PIK3C2G: variants seen among roughly 807,000 people sequenced by gnomAD.
The protein encoded by PIK3C2G is phosphatidylinositol-4-phosphate 3-kinase catalytic subunit type 2 gamma.
PIK3C2G carries 168 observed loss-of-function variants against 181.1 expected under a neutral mutation model. The ratio of observed to expected loss-of-function variants is 0.93; its 90% confidence interval spans 0.82 to 1.05. PIK3C2G has a LOEUF of 1.05. Ranked by LOEUF, PIK3C2G falls within the 50% of genes least tolerant of loss-of-function variation. PIK3C2G has a pLI of 0.00. For missense variants in PIK3C2G, 1,869 were observed against 1,732.8 expected, an observed-to-expected ratio of 1.08 and a Z score of -1.40; for synonymous variants, 573 against 592.2, an observed-to-expected ratio of 0.97 and a Z score of 0.47.
chr12:18,278,411 C>T (rs1949074605), intron 1 of PIK3C2G, among the ~76,000 whole-genome samples: 1 of 152,100 alleles, frequency 6.6e-6, no homozygotes, highest in Non-Finnish European at 1.5e-5. Context: ...TTTGAAGGAT[C>T]CTTGTGATTA....
chr12:18,455,368 G>T (rs2135909892), intron 18 of PIK3C2G, among the ~76,000 whole-genome samples: 1 of 152,160 alleles, frequency 6.6e-6, no homozygotes, highest in Middle Eastern at 3.4e-3. Context: ...GTGGCGGTTG[G>T]TGGAGAAGAG....
At chr12:18,561,511 G>A (rs1945343756) in intron 26 of PIK3C2G, among the ~76,000 whole-genome samples, 1 of 152,084 alleles carries the variant, frequency 6.6e-6, no homozygotes, top group East Asian at 1.9e-4. Flanking sequence ...GGGCTAGGAA[G>A]CACAAATTAA....
intron 24 of PIK3C2G, among the ~76,000 whole-genome samples, chr12:18,518,601 T>A (rs752836529): frequency 5.3e-5 from 8 of 152,196 alleles, no homozygotes; most frequent in Non-Finnish European, 8.8e-5. Flanking sequence ...CACTTTTTAT[T>A]GTGTCTATTT....
intron 16 of PIK3C2G, among the ~76,000 whole-genome samples, chr12:18,412,049 C>T (rs1031452453): frequency 2.0e-5 from 3 of 152,010 alleles, no homozygotes; most frequent in Non-Finnish European, 4.4e-5. Context: ...ATGACTCCAC[C>T]GGCCCTATTG....
intron 1 of PIK3C2G, among the ~76,000 whole-genome samples, chr12:18,249,242 A>G (rs1025555849): frequency 6.6e-6 from 1 of 152,180 alleles, no homozygotes; most frequent in Non-Finnish European, 1.5e-5. Flanking sequence ...GGATAGCATT[A>G]TGTTTTTGAC....
intron 24 of PIK3C2G, among the ~76,000 whole-genome samples, chr12:18,534,006 G>A (rs1943705727): frequency 7.3e-6 from 1 of 137,150 alleles, no homozygotes; most frequent in African/African-American, 2.8e-5. Context: ...CTGGAGTGCA[G>A]TGGCACAATC....
chr12:18,318,664 T>A (rs915443129), intron 6 of PIK3C2G, among the ~76,000 whole-genome samples: 4 of 152,042 alleles, frequency 2.6e-5, no homozygotes, highest in African/African-American at 9.7e-5. Context: ...TACCTCGCAG[T>A]AGATACTTTA....
chr12:18,694,780 T>C, the PIK3C2G span: 3 of 725,960 alleles, frequency 4.1e-6, no homozygotes, highest in Admixed American at 9.1e-5. Context: ...ACTACCCACA[T>C]ATAGTACCTG....
At chr12:18,319,725 G>A (rs1282047922) in intron 6 of PIK3C2G, among the ~76,000 whole-genome samples, 3 of 152,090 alleles carry the variant, frequency 2.0e-5, no homozygotes, top group Non-Finnish European at 4.4e-5. Flanking sequence ...AAATATTACA[G>A]TTCAAATCTT....
Position 18,250,549 on chromosome 12 carries a change from A to G in PIK3C2G, c.-79+2467A>G, listed in dbSNP as rs945735110. ...TAAAAACGCAGGTTTGCTTTCCCTC[A>G]GAAACAAAGCAGATATTCCCTTCAT... On this transcript the variant is annotated intron_variant, in intron 1 of 11. Transcript: ENST00000535651. 1.6e-4 allele frequency among the ~76,000 whole-genome samples: 24 copies of G among 152,030 alleles called. 1 individual carries two copies. The highest frequency in any genetic ancestry group is 2.1e-4 in the South Asian group (1 of 4,832).
At chr12:18,523,123 G>C (rs1437778091) in intron 24 of PIK3C2G, among the ~76,000 whole-genome samples, 1 of 151,978 alleles carries the variant, frequency 6.6e-6, no homozygotes, top group African/African-American at 2.4e-5. Flanking sequence ...TTTGTAAGAT[G>C]TATTCTTTTG....
chr12:18,262,441 A>G (rs1055145889), intron 1 of PIK3C2G, among the ~76,000 whole-genome samples: 7 of 152,104 alleles, frequency 4.6e-5, no homozygotes, highest in Non-Finnish European at 8.8e-5. Flanking sequence ...TGTTATTAAG[A>G]GCTTGGATTT....
At chr12:18,669,868 A>G in the PIK3C2G span, among the ~76,000 whole-genome samples, 1 of 152,190 alleles carries the variant, frequency 6.6e-6, no homozygotes, top group South Asian at 2.1e-4. Flanking sequence ...ACAGGGTTTC[A>G]CCACGTTGCT....
the PIK3C2G span, among the ~76,000 whole-genome samples, chr12:18,669,089 C>T: frequency 6.6e-6 from 1 of 152,182 alleles, no homozygotes; most frequent in Non-Finnish European, 1.5e-5. Flanking sequence ...TTTCATGGTA[C>T]TGTTCCAAAT....
chr12:18,578,330 G>C (rs902709558), intron 29 of PIK3C2G, among the ~76,000 whole-genome samples: 1 of 152,090 alleles, frequency 6.6e-6, no homozygotes, highest in East Asian at 1.9e-4. Flanking sequence ...TATTCCAAAG[G>C]AATTTTATGG....
At chr12:18,369,449 C>T (rs1314777766) in intron 12 of PIK3C2G, among the ~76,000 whole-genome samples, 2 of 151,138 alleles carry the variant, frequency 1.3e-5, no homozygotes, top group African/African-American at 2.4e-5. Context: ...ATATAACGAT[C>T]GTATAATTGA....
chr12:18,442,805 T>G lies in PIK3C2G; in HGVS notation c.2504+18766T>G, dbSNP rs140291317. Among the ~76,000 whole-genome samples, 104 of 152,316 alleles carry G rather than the reference T, an allele frequency of 6.8e-4. 1 individual carries two copies. Among genetic ancestry groups the G allele is most frequent in the African/African-American group, 2.4e-3 (101 of 41,576 alleles). ...ATTATGCATCTTTTTATGCATACAT[T>G]TTTATATAGACTTGAGTTAGATCTG... On this transcript the variant is annotated intron_variant, in intron 18 of 32. Transcript: ENST00000538779.
At chr12:18,415,236 C>T (rs1272825979) in intron 16 of PIK3C2G, among the ~76,000 whole-genome samples, 3 of 152,108 alleles carry the variant, frequency 2.0e-5, no homozygotes, top group Admixed American at 6.5e-5. Flanking sequence ...GAGGTTTTTC[C>T]AGCAGCATGT....
chr12:18,473,721 T>C (rs1938685124), intron 18 of PIK3C2G, among the ~76,000 whole-genome samples: 1 of 152,316 alleles, frequency 6.6e-6, no homozygotes, highest in African/African-American at 2.4e-5. Context: ...CAATTACTGC[T>C]ATTGTTGTTA....
Sources: gnomAD v4.1 joint callset for allele counts (sites outside exome capture counted in the v4.1 genomes callset) on GRCh38, gnomAD v4.1.1 for gene constraint, MANE v1.5 for transcripts, NCBI Gene and HGNC (gene_info 2026-07-23, HGNC 2026-07-21) for gene names.